The following SORL1 variants were observed in gnomAD, a reference collection of about 807,000 sequenced individuals.
SORL1 encodes sortilin-related receptor.
A neutral mutation model predicts 273.7 loss-of-function variants in SORL1; 127 were observed. That is an observed-to-expected ratio of 0.46 (90% CI 0.40 to 0.54). The LOEUF (loss-of-function observed/expected upper bound fraction) is 0.54, where lower values mean the gene tolerates loss of function less well. SORL1 is among the 20% of genes least tolerant of loss of function. The pLI is 0.00. For synonymous variants in SORL1, 1,031 were observed against 1,067.4 expected (o/e 0.97, Z 0.66); for missense variants, 2,494 against 2,846.1 (o/e 0.88, Z 2.81).
intron 1 of SORL1, among the ~76,000 whole-genome samples, chr11:121,459,255 T>G (rs1234360525): frequency 6.6e-6 from 1 of 152,264 alleles, no homozygotes; most frequent in Non-Finnish European, 1.5e-5. Context: ...GGCTCTTGGC[T>G]ACTGTGTAGA....
chr11:121,549,522 C>T (rs1321110124), intron 14 of SORL1, among the ~76,000 whole-genome samples: 3 of 152,146 alleles, frequency 2.0e-5, no homozygotes, highest in Admixed American at 6.5e-5. Flanking sequence ...CCACCATGCC[C>T]GGCCCCAAAT....
At chr11:121,551,466 G>A (rs1198751871) in intron 16 of SORL1, among the ~76,000 whole-genome samples, 1 of 152,200 alleles carries the variant, frequency 6.6e-6, no homozygotes, top group African/African-American at 2.4e-5. Flanking sequence ...TTACCACAGA[G>A]ACATGAAATT....
intron 6 of SORL1, among the ~76,000 whole-genome samples, chr11:121,502,349 G>A (rs1469367074): frequency 6.6e-6 from 1 of 151,828 alleles, no homozygotes; most frequent in Non-Finnish European, 1.5e-5. Context: ...TGTTAGCCAG[G>A]ATGGTCTCGA....
chr11:121,555,123 G>T, intron 17 of SORL1, 64 bp from the exon 18 acceptor site: 2 of 1,526,706 alleles, frequency 1.3e-6, no homozygotes, highest in South Asian at 1.3e-5. Context: ...CCCTTCATGG[G>T]ACTGACTTGG....
rs535733584 is a variant in SORL1 at position 121,582,745 on chromosome 11, C to G, written c.3581-713C>G. On this transcript the variant is annotated intron_variant, in intron 25 of 47. Transcript: ENST00000260197. ...ATATTATTGGCTGGTAGATGTTCCT[C>G]TCAACTCTACAGAAAGACAATTTCA... is the stretch of plus-strand genomic sequence containing the variant. 2.6e-5 allele frequency among the ~76,000 whole-genome samples: 4 copies of G among 152,332 alleles called. No individual in the cohort carries two copies. The East Asian group carries it at 7.7e-4, about 29-fold the overall frequency.
At chr11:121,607,697 CAGAA>C (rs938669296) in intron 37 of SORL1, among the ~76,000 whole-genome samples, 79 of 152,238 alleles carry the variant, frequency 5.2e-4, no homozygotes, top group Admixed American at 2.6e-3. Context: ...GTATTTTTAG[CAGAA>C]AGAGATAGAT....
At chr11:121,561,564 C>G (rs979059431) in intron 21 of SORL1, among the ~76,000 whole-genome samples, 1 of 152,058 alleles carries the variant, frequency 6.6e-6, no homozygotes, top group Non-Finnish European at 1.5e-5. Flanking sequence ...TGGCACATGC[C>G]TGTAGTCTCA....
In SORL1 at chr11:121,629,517, C is replaced by T; in HGVS notation, c.6599C>T (p.Pro2200Leu). Residue 2200 changes from proline (P) to leucine (L), a missense_variant, in exon 48 of 48, where the codon CCT becomes CTT. By Grantham distance (98) the Pro-to-Leu change is moderately conservative. Coordinates refer to ENST00000260197, the MANE Select transcript of SORL1 (RefSeq NM_003105.6). ...DDLGEDDEDA[P>L]MITGFSDDVP... Reference sequence around the variant, plus strand: ...CTAGGGGAAGATGATGAAGATGCCCCTATGATAACTGGATTTTCAGATGAC... The same window carrying T: ...CTAGGGGAAGATGATGAAGATGCCCTTATGATAACTGGATTTTCAGATGAC... 6.3e-7 allele frequency: 1 copy of T among 1,589,140 alleles called. No homozygotes were observed. Among genetic ancestry groups the T allele is most frequent in the Non-Finnish European group, 8.6e-7 (1 of 1,157,254 alleles).
chr11:121,498,306 G>C (rs1181063440), intron 6 of SORL1, among the ~76,000 whole-genome samples: 1 of 152,208 alleles, frequency 6.6e-6, no homozygotes, highest in Non-Finnish European at 1.5e-5. Context: ...TAAGAAATCA[G>C]GCCCAAGCAC....
At chr11:121,620,854 C>G (rs545151357) in intron 43 of SORL1, among the ~76,000 whole-genome samples, 15 of 152,292 alleles carry the variant, frequency 9.8e-5, no homozygotes, top group East Asian at 9.6e-4. Flanking sequence ...GTTGATAACT[C>G]TATGTGCAAT....
chr11:121,557,280 C>G, intron 18 of SORL1, 34 bp from the exon 19 acceptor site: 1 of 1,499,338 alleles, frequency 6.7e-7, no homozygotes, highest in Non-Finnish European at 9.3e-7. Flanking sequence ...GAGCTCCGAT[C>G]CATCTCAGCC....
rs2134926466 is a variant in SORL1, at chr11:121,607,220, C to G, written c.5096C>G (p.Ala1699Gly). 3 of 1,611,898 alleles carry G rather than the reference C, an allele frequency of 1.9e-6. No individual in the cohort carries two copies. Among genetic ancestry groups the G allele is most frequent in the South Asian group, 2.2e-5 (2 of 91,030 alleles). Residue 1699 changes from alanine to glycine, a missense_variant, in exon 37 of 48, where the codon GCC becomes GGC. Physicochemically the swap from Ala to Gly is moderately conservative, Grantham distance 60. Coordinates refer to ENST00000260197, the MANE Select transcript of SORL1 (RefSeq NM_003105.6). ...AGCAGGAGTGGTTCCAAGATGTGGG[C>G]CTCCCAGAGGGCTGCTAGTAACTTT... ...EYSRSGSKMWASQRAASNFTE... is the reference protein window; with the variant it reads ...EYSRSGSKMWGSQRAASNFTE...
At chr11:121,616,946 C>T (rs979485631) in intron 41 of SORL1, among the ~76,000 whole-genome samples, 3 of 152,166 alleles carry the variant, frequency 2.0e-5, no homozygotes, top group African/African-American at 7.2e-5. Flanking sequence ...TCCAGAAAGG[C>T]AGGACAACTC....
rs183575817 is a variant in SORL1, at chr11:121,521,225, T to C, written c.1404+376T>C. Among the ~76,000 whole-genome samples the C allele has an allele frequency of 1.5e-3, 226 of 152,286 alleles. 2 individuals are homozygous for C. The highest frequency in any genetic ancestry group is 5.1e-3 in the African/African-American group (211 of 41,560). Reference sequence around the variant, plus strand: ...CCCTTGGGAAAATTCTTTTGGAGACTCTTACCTTAGAATTTACTTCTTGGT... The same window carrying C: ...CCCTTGGGAAAATTCTTTTGGAGACCCTTACCTTAGAATTTACTTCTTGGT... On this transcript the variant is annotated intron_variant, in intron 9 of 47. Coordinates refer to ENST00000260197, the MANE Select transcript of SORL1 (RefSeq NM_003105.6).
chr11:121,599,335 G>A (rs1223385315), intron 32 of SORL1, among the ~76,000 whole-genome samples: 5 of 152,244 alleles, frequency 3.3e-5, no homozygotes, highest in African/African-American at 4.8e-5. Context: ...ACCTGAGGTC[G>A]GGAGTTTGAG....
chr11:121,466,616 G>T (rs1184653947), intron 1 of SORL1, among the ~76,000 whole-genome samples: 1 of 152,162 alleles, frequency 6.6e-6, no homozygotes, highest in Admixed American at 6.5e-5. Flanking sequence ...AGGGTAGAAT[G>T]CATGTCTTGA....
At chr11:121,507,953 T>G (rs1410888372) in intron 6 of SORL1, among the ~76,000 whole-genome samples, 2 of 152,204 alleles carry the variant, frequency 1.3e-5, no homozygotes, top group Admixed American at 6.5e-5. Flanking sequence ...TGTTGCTGTT[T>G]TTGTTGTTGT....
At chr11:121,467,959 G>T (rs1861109535) in intron 1 of SORL1, among the ~76,000 whole-genome samples, 1 of 152,102 alleles carries the variant, frequency 6.6e-6, no homozygotes. Flanking sequence ...TTTGATCCTG[G>T]ATCAAATTAA....
In SORL1 at chr11:121,605,483, T is replaced by A. The variant is rs1276729500; in HGVS notation, c.4860T>A (p.Asp1620Glu). 3.1e-6 allele frequency: 5 copies of A among 1,614,096 alleles called. No homozygotes were observed. The Admixed American group carries it at 8.3e-5, about 27-fold the overall frequency. Residue 1620 changes from aspartate (D) to glutamate (E), a missense_variant, in exon 35 of 48, where the codon GAT becomes GAA. Transcript: ENST00000260197. ...TNTVLKVLKPDTTYQVKVQVQ... is the reference protein window; with the variant it reads ...TNTVLKVLKPETTYQVKVQVQ... ...CTGTATTAAAAGTCTTGAAACCAGA[T>A]ACCACGTATCAGGTTAAAGTACAGG...
Sources: gnomAD v4.1 joint callset for allele counts (sites outside exome capture counted in the v4.1 genomes callset) on GRCh38, gnomAD v4.1.1 for gene constraint, MANE v1.5 for transcripts, NCBI Gene and HGNC (gene_info 2026-07-23, HGNC 2026-07-21) for gene names.